The following WDPCP variants were observed in gnomAD, a reference collection of about 807,000 sequenced individuals.
WDPCP encodes the protein WD repeat containing planar cell polarity effector, also known as WD repeat-containing and planar cell polarity effector protein fritz homolog.
WDPCP carries 71 observed loss-of-function variants against 93.1 expected under a neutral mutation model. That is an observed-to-expected ratio of 0.76 (90% CI 0.63 to 0.93). The LOEUF is 0.93. Among genes scored for constraint, WDPCP ranks in the 40% least tolerant of loss-of-function variants. The probability of loss-of-function intolerance (pLI) is 0.00; values close to 1 mark genes in which losing one functional copy is unlikely to be tolerated. For missense variants in WDPCP, 844 were observed against 887.4 expected (o/e 0.95, Z 0.62); for synonymous variants, 315 against 315.0 (o/e 1.00, Z 0.00).
chr2:63,568,967 G>T (rs932868499), intron 1 of WDPCP, among the ~76,000 whole-genome samples: 3 of 152,204 alleles, frequency 2.0e-5, no homozygotes, highest in Non-Finnish European at 2.9e-5. Context: ...TCTAAGAGAA[G>T]TTACTATTTA....
chr2:63,537,197 T>C (rs574607173), intron 1 of WDPCP, among the ~76,000 whole-genome samples: 1 of 152,328 alleles, frequency 6.6e-6, no homozygotes, highest in African/African-American at 2.4e-5. Context: ...CTACTGTTTC[T>C]TCCACAAACC....
chr2:63,615,357 T>G (rs542028612), intron 3 of WDPCP, among the ~76,000 whole-genome samples: 1 of 152,308 alleles, frequency 6.6e-6, no homozygotes, highest in South Asian at 2.1e-4. Context: ...GGGCCAGGCA[T>G]GTCCACCGTG....
chr2:63,653,456 G>A (rs997191289), intron 2 of WDPCP, among the ~76,000 whole-genome samples: 18 of 152,088 alleles, frequency 1.2e-4, no homozygotes, highest in Non-Finnish European at 1.6e-4. Flanking sequence ...CCTAGAGTAA[G>A]GCTACTCCAG....
chr2:63,171,312 G>T (rs1419435030), intron 15 of WDPCP, among the ~76,000 whole-genome samples: 1 of 152,158 alleles, frequency 6.6e-6, no homozygotes, highest in African/African-American at 2.4e-5. Context: ...TATTTAATAA[G>T]GAACTTGTAT....
intron 9 of WDPCP, among the ~76,000 whole-genome samples, chr2:63,410,055 C>T (rs922686182): frequency 6.6e-6 from 1 of 152,162 alleles, no homozygotes; most frequent in African/African-American, 2.4e-5. Context: ...GCAAAAAGAT[C>T]ATTGCTTAGG....
intron 2 of WDPCP, among the ~76,000 whole-genome samples, chr2:63,700,394 AG>A (rs997404854): frequency 6.6e-4 from 101 of 152,144 alleles, no homozygotes; most frequent in African/African-American, 2.4e-3. Flanking sequence ...GGAATGGAAA[AG>A]GTCAGATACA....
chr2:63,282,473 C>T (rs370060914), intron 13 of WDPCP, among the ~76,000 whole-genome samples: 8 of 152,160 alleles, frequency 5.3e-5, no homozygotes, highest in African/African-American at 1.9e-4. Flanking sequence ...CCACTGCACT[C>T]CAGCCTGGGC....
chr2:63,522,117 G>A (rs1702977771), intron 1 of WDPCP, among the ~76,000 whole-genome samples: 1 of 151,894 alleles, frequency 6.6e-6, no homozygotes, highest in African/African-American at 2.4e-5. Flanking sequence ...ACGTGCCATG[G>A]TGGTTTGCTG....
At chr2:63,571,834 C>G (rs1340718838) in intron 1 of WDPCP, among the ~76,000 whole-genome samples, 1 of 152,172 alleles carries the variant, frequency 6.6e-6, no homozygotes, top group Non-Finnish European at 1.5e-5. Context: ...GGTTATAATT[C>G]AGCAACCTAA....
At chr2:63,237,137 GA>G (rs1006863337) in intron 14 of WDPCP, among the ~76,000 whole-genome samples, 12 of 145,698 alleles carry the variant, frequency 8.2e-5, no homozygotes, top group African/African-American at 1.5e-4. Flanking sequence ...AAATCATTAA[GA>G]AAAAAAAAAT....
intron 12 of WDPCP, among the ~76,000 whole-genome samples, chr2:63,361,081 G>A (rs1461000333): frequency 6.6e-6 from 1 of 152,196 alleles, no homozygotes; most frequent in East Asian, 1.9e-4. Context: ...TTCGTGACAA[G>A]ATAAGATGGA....
intron 2 of WDPCP, among the ~76,000 whole-genome samples, chr2:63,705,921 T>G (rs548453834): frequency 6.6e-6 from 1 of 152,256 alleles, no homozygotes; most frequent in East Asian, 1.9e-4. Flanking sequence ...ATTATTATTG[T>G]GTGGGAGTCT....
At chr2:63,218,679 GA>G (rs1199956347) in intron 14 of WDPCP, among the ~76,000 whole-genome samples, 18 of 151,996 alleles carry the variant, frequency 1.2e-4, no homozygotes, top group African/African-American at 3.1e-4. Flanking sequence ...AAAGGCGTGC[GA>G]CACTACGCCC....
intron 17 of WDPCP, among the ~76,000 whole-genome samples, chr2:63,144,148 T>A (rs1030030268): frequency 1.2e-4 from 18 of 152,206 alleles, no homozygotes; most frequent in African/African-American, 4.1e-4. Flanking sequence ...CTTCTTCTTT[T>A]TTCTTTGACC....
intron 1 of WDPCP, among the ~76,000 whole-genome samples, chr2:63,548,092 A>G (rs1357597171): frequency 6.6e-6 from 1 of 152,144 alleles, no homozygotes. Context: ...CTTAAGACAT[A>G]TAACTCAAAA....
chr2:63,794,819 C>T (rs773059738), intron 2 of WDPCP, among the ~76,000 whole-genome samples: 1 of 152,198 alleles, frequency 6.6e-6, no homozygotes, highest in Non-Finnish European at 1.5e-5. Flanking sequence ...ATCAGGTGCA[C>T]CATTTGGCTT....
At chr2:63,782,137 A>G (rs1256435347) in intron 2 of WDPCP, among the ~76,000 whole-genome samples, 1 of 152,148 alleles carries the variant, frequency 6.6e-6, no homozygotes, top group African/African-American at 2.4e-5. Flanking sequence ...CTGGACCTGT[A>G]TCTCGCACCA....
chr2:63,138,614 G>A (rs923372518), intron 17 of WDPCP, among the ~76,000 whole-genome samples: 7 of 151,900 alleles, frequency 4.6e-5, no homozygotes, highest in East Asian at 3.9e-4. Context: ...CACCTCGCCC[G>A]GCTAATTTTT....
intron 2 of WDPCP, among the ~76,000 whole-genome samples, chr2:63,700,295 AAAAAAAAAC>A (rs1330579892): frequency 0.018 from 2,668 of 146,358 alleles, 99 homozygotes; most frequent in African/African-American, 0.061. Flanking sequence ...AAAAAAAAAA[AAAAAAAAAC>A]AAAAAGAAAA....
Sources: gnomAD v4.1 joint callset for allele counts (sites outside exome capture counted in the v4.1 genomes callset) on GRCh38, gnomAD v4.1.1 for gene constraint, MANE v1.5 for transcripts, NCBI Gene and HGNC (gene_info 2026-07-23, HGNC 2026-07-21) for gene names.